The following SEMA3A variants were observed in gnomAD, a reference collection of about 807,000 sequenced individuals.
SEMA3A encodes semaphorin-3A.
In SEMA3A, 29 loss-of-function variants were observed where a neutral mutation model predicts 97.9. The ratio of observed to expected loss-of-function variants is 0.30; its 90% CI spans 0.22 to 0.40. The LOEUF (loss-of-function observed/expected upper bound fraction) is 0.40. Ranked by LOEUF, SEMA3A falls within the 10% of genes least tolerant of loss-of-function variation. The pLI is 1.00. For missense variants in SEMA3A, 763 were observed against 951.3 expected (o/e 0.80, Z 2.60); for synonymous variants, 321 against 323.7 (o/e 0.99, Z 0.09).
At chr7:84,229,032 T>C (rs1169998511) in intron 3 of SEMA3A, among the ~76,000 whole-genome samples, 2 of 152,118 alleles carry the variant, frequency 1.3e-5, no homozygotes, top group Non-Finnish European at 2.9e-5. Context: ...AATTTGAGAT[T>C]GTCTTTCATA....
At position 84,410,953 on chromosome 7, in the gene SEMA3A, C is replaced by T. The variant is rs981409317; in HGVS notation, c.-245-39053G>A. 3.3e-5 allele frequency among the ~76,000 whole-genome samples: 5 copies of T among 151,880 alleles called. No homozygotes were observed. In the Admixed American group the frequency reaches 3.3e-4, roughly 10 times the overall value. ...ACTTACTTCAGGTTTTTCTTGTTGTCGTTGTCGGGGGATTGTAACTTTTTA... is the reference window on the plus strand; with the variant it reads ...ACTTACTTCAGGTTTTTCTTGTTGTTGTTGTCGGGGGATTGTAACTTTTTA... On this transcript the variant is annotated intron_variant, in intron 1 of 3. Coordinates refer to the SEMA3A transcript ENST00000424555.
At chr7:83,986,718 G>A (rs1192352097) in intron 12 of SEMA3A, among the ~76,000 whole-genome samples, 1 of 152,136 alleles carries the variant, frequency 6.6e-6, no homozygotes, top group Non-Finnish European at 1.5e-5. Context: ...TAAATTAAGT[G>A]TGAAGAGCTG....
intron 6 of SEMA3A, among the ~76,000 whole-genome samples, chr7:84,024,870 T>G (rs1215116194): frequency 1.3e-5 from 2 of 152,112 alleles, no homozygotes; most frequent in Non-Finnish European, 2.9e-5. Context: ...GGTGAATCAC[T>G]TGAGGTGAGG....
intron 2 of SEMA3A, among the ~76,000 whole-genome samples, chr7:84,134,299 A>G (rs1238099456): frequency 6.6e-6 from 1 of 152,200 alleles, no homozygotes; most frequent in Non-Finnish European, 1.5e-5. Flanking sequence ...CTGCTGTTGT[A>G]GCACAAAAAC....
At chr7:84,247,524 C>T (rs1229368269) in intron 3 of SEMA3A, among the ~76,000 whole-genome samples, 1 of 152,074 alleles carries the variant, frequency 6.6e-6, no homozygotes, top group East Asian at 1.9e-4. Context: ...GAAAATAAAA[C>T]CTTTGGTTAA....
At chr7:84,206,089 T>C (rs963770743) in intron 3 of SEMA3A, among the ~76,000 whole-genome samples, 2 of 152,266 alleles carry the variant, frequency 1.3e-5, no homozygotes, top group South Asian at 4.1e-4. Flanking sequence ...TGACGGGCTG[T>C]TTGCAACCCC....
At chr7:84,280,042 C>T (rs1800400562) in intron 3 of SEMA3A, among the ~76,000 whole-genome samples, 1 of 152,108 alleles carries the variant, frequency 6.6e-6, no homozygotes, top group Non-Finnish European at 1.5e-5. Flanking sequence ...GGACCAAAGG[C>T]ACATGCCACC....
chr7:84,214,193 A>T (rs1012352419), intron 3 of SEMA3A, among the ~76,000 whole-genome samples: 8 of 152,208 alleles, frequency 5.3e-5, no homozygotes, highest in African/African-American at 1.9e-4. Context: ...ATATTAAAAA[A>T]AATTATCCCC....
chr7:84,477,073 A>AAAAAAT (rs372931949), intron 1 of SEMA3A, among the ~76,000 whole-genome samples: 25 of 140,572 alleles, frequency 1.8e-4, no homozygotes, highest in African/African-American at 6.4e-4. Flanking sequence ...AAAAAAAAAA[A>AAAAAAT]ATATATATAT....
chr7:84,117,831 A>G (rs1795480676), intron 3 of SEMA3A, among the ~76,000 whole-genome samples: 1 of 152,216 alleles, frequency 6.6e-6, no homozygotes, highest in East Asian at 1.9e-4. Context: ...TGACTATAAG[A>G]AAGTTACTTA....
chr7:84,213,607 C>G (rs1798682286), intron 3 of SEMA3A, among the ~76,000 whole-genome samples: 1 of 152,130 alleles, frequency 6.6e-6, no homozygotes, highest in Non-Finnish European at 1.5e-5. Context: ...TTTGAAGCTC[C>G]TATTTCCCTC....
At chr7:84,404,697 T>A (rs575923810) in intron 1 of SEMA3A, among the ~76,000 whole-genome samples, 15 of 151,908 alleles carry the variant, frequency 9.9e-5, no homozygotes, top group African/African-American at 2.9e-4. Flanking sequence ...GCTGATCTCT[T>A]GGCAGAAACT....
intron 3 of SEMA3A, among the ~76,000 whole-genome samples, chr7:84,249,456 T>C (rs1368000820): frequency 6.6e-6 from 1 of 151,798 alleles, no homozygotes; most frequent in Non-Finnish European, 1.5e-5. Flanking sequence ...ATTTAACTTC[T>C]TTTTGCCAAT....
chr7:83,986,021 C>T (rs2078671534), intron 12 of SEMA3A, among the ~76,000 whole-genome samples: 1 of 152,190 alleles, frequency 6.6e-6, no homozygotes, highest in Non-Finnish European at 1.5e-5. Context: ...GGACAATGTT[C>T]ATGTTTTTAT....
intron 1 of SEMA3A, among the ~76,000 whole-genome samples, chr7:84,409,196 G>A (rs1584301559): frequency 6.6e-6 from 1 of 151,334 alleles, no homozygotes. Context: ...GTATTGGAAT[G>A]TTCCCAACAA....
chr7:84,137,616 A>G (rs1181633817), intron 1 of SEMA3A, among the ~76,000 whole-genome samples: 3 of 151,300 alleles, frequency 2.0e-5, no homozygotes, highest in Non-Finnish European at 4.4e-5. Context: ...CTGTTTATCA[A>G]ATGGATACCC....
intron 5 of SEMA3A, among the ~76,000 whole-genome samples, chr7:84,047,146 C>G (rs1458433531): frequency 6.6e-6 from 1 of 151,902 alleles, no homozygotes; most frequent in Non-Finnish European, 1.5e-5. Flanking sequence ...AAACCCAGAT[C>G]ATAATCACTC....
At chr7:84,148,247 T>C (rs1238070873) in intron 1 of SEMA3A, among the ~76,000 whole-genome samples, 1 of 152,016 alleles carries the variant, frequency 6.6e-6, no homozygotes. Context: ...TTTCTTTTTT[T>C]TTAAAAGAGG....
chr7:84,383,913 A>G (rs1803333106), intron 1 of SEMA3A, among the ~76,000 whole-genome samples: 1 of 152,206 alleles, frequency 6.6e-6, no homozygotes, highest in African/African-American at 2.4e-5. Flanking sequence ...AATATTAGAC[A>G]TGATCATGAA....
Sources: gnomAD v4.1 joint callset for allele counts (sites outside exome capture counted in the v4.1 genomes callset) on GRCh38, gnomAD v4.1.1 for gene constraint, MANE v1.5 for transcripts, NCBI Gene and HGNC (gene_info 2026-07-23, HGNC 2026-07-21) for gene names.